Variants in ZNF710 observed in about 807,000 individuals in gnomAD.
ZNF710 encodes the protein zinc finger protein 710.
Under a neutral mutation model 50.6 loss-of-function variants are expected in ZNF710, and 13 were observed. The ratio of observed to expected loss-of-function variants is 0.26; its 90% CI spans 0.17 to 0.41. The LOEUF is 0.41. Among genes scored for constraint, ZNF710 ranks in the 10% least tolerant of loss-of-function variants. The probability of loss-of-function intolerance (pLI) is 1.00; values close to 1 mark genes in which losing one functional copy is unlikely to be tolerated. For synonymous variants in ZNF710, 383 were observed against 397.0 expected, an observed-to-expected ratio of 0.96 and a Z score of 0.42; for missense variants, 721 against 936.6, an observed-to-expected ratio of 0.77 and a Z score of 3.01.
intron 3 of ZNF710, 75 bp downstream of exon 3, chr15:90,073,337 G>A (rs1298278698): frequency 4.6e-6 from 7 of 1,530,174 alleles, no homozygotes; most frequent in Non-Finnish European, 5.3e-6. Context: ...CAGCAGCTGT[G>A]GCCCACCAAG....
rs924220723 is a variant in ZNF710, at chr15:90,040,954, A to G, written c.-28-26156A>G. ...CGCAATTTTGGGTTAAGCCCACAGT[A>G]TAAATACTATTCACTGCTAAACATG... On this transcript the variant is annotated intron_variant, in intron 1 of 4. Transcript: ENST00000268154. This position sits in a 1 kb window ranked among gnomAD's most constrained non-coding sequence, Gnocchi z 4.6. 8.5e-5 allele frequency among the ~76,000 whole-genome samples: 13 copies of G among 152,246 alleles called. No individual in the cohort carries two copies. The highest frequency in any genetic ancestry group is 1.3e-4 in the Non-Finnish European group (9 of 68,038).
At chr15:90,077,088 A>G (rs753611526) in intron 4 of ZNF710, among the ~76,000 whole-genome samples, 18 of 152,148 alleles carry the variant, frequency 1.2e-4, no homozygotes, top group Non-Finnish European at 1.5e-4. Context: ...CGATCTAGTA[A>G]CTATGGGGCT....
At chr15:90,066,635 C>A (rs1200744043) in intron 1 of ZNF710, among the ~76,000 whole-genome samples, 2 of 151,934 alleles carry the variant, frequency 1.3e-5, no homozygotes, top group East Asian at 3.9e-4. Context: ...GCCACCACGC[C>A]CAGCTAATTT....
intron 1 of ZNF710, among the ~76,000 whole-genome samples, chr15:90,061,202 C>T (rs1359694198): frequency 6.6e-6 from 1 of 151,260 alleles, no homozygotes; most frequent in Non-Finnish European, 1.5e-5. Context: ...CAGGGTTTCA[C>T]GCCTGTCACC....
chr15:90,054,953 C>A (rs1899765751), intron 1 of ZNF710, among the ~76,000 whole-genome samples: 1 of 152,172 alleles, frequency 6.6e-6, no homozygotes, highest in South Asian at 2.1e-4. Flanking sequence ...GGCAAGGGGC[C>A]TCTTTTTTCT....
intron 1 of ZNF710, among the ~76,000 whole-genome samples, chr15:90,037,061 G>A (rs1169170114): frequency 6.6e-6 from 1 of 152,128 alleles, no homozygotes; most frequent in African/African-American, 2.4e-5. Context: ...TGGGGAGGAC[G>A]GGAAGTGGGG....
intron 1 of ZNF710, among the ~76,000 whole-genome samples, chr15:90,048,948 A>G (rs1243924198): frequency 2.0e-5 from 3 of 152,180 alleles, no homozygotes; most frequent in African/African-American, 7.2e-5. Context: ...GACCGGGTCC[A>G]TTCCCAGCAT....
chr15:90,064,706 T>G (rs1900114206), intron 1 of ZNF710, among the ~76,000 whole-genome samples: 1 of 152,186 alleles, frequency 6.6e-6, no homozygotes, highest in African/African-American at 2.4e-5. Flanking sequence ...CAGGCTGGTC[T>G]CGAACTCCTG....
At chr15:90,026,685 A>G (rs370999052) in intron 1 of ZNF710, among the ~76,000 whole-genome samples, 27 of 152,366 alleles carry the variant, frequency 1.8e-4, no homozygotes, top group African/African-American at 6.3e-4. Context: ...GTCATCCACC[A>G]TAACCCAGTG....
chr15:90,008,443 T>TATATATATACATATATATATATAC (rs1898204808), intron 1 of ZNF710, among the ~76,000 whole-genome samples: 2 of 140,524 alleles, frequency 1.4e-5, no homozygotes, highest in African/African-American at 5.8e-5. Flanking sequence ...TATATATACA[T>TATATATATACATATATATATATAC]ATATATATAT....
At position 90,073,975 on chromosome 15, in the gene ZNF710, G is replaced by T. The variant is rs929344901; in HGVS notation, c.1651-141G>T. ...ACTGCACTCCAGCCTGGACAACAGA[G>T]TGAGAGTCTGTCTCAAAAAAAAAAC... On this transcript the variant is annotated intron_variant, in intron 3 of 4. Transcript: ENST00000268154. The T allele has an allele frequency of 3.1e-5, 29 of 940,628 alleles. No homozygotes were observed. In the African/African-American group the frequency reaches 5.2e-4, roughly 17 times the overall value. The allele number at this position is 940,628 out of a possible 1,614,324, so 58.3% of individuals were successfully genotyped here.
intron 1 of ZNF710, among the ~76,000 whole-genome samples, chr15:90,007,748 AC>A (rs1395413176): frequency 2.6e-5 from 4 of 151,480 alleles, no homozygotes; most frequent in African/African-American, 9.7e-5. Flanking sequence ...TACCCTAGTA[AC>A]AGGGCAAGCA....
At position 90,040,344 on chromosome 15, in the gene ZNF710, G is replaced by T. The variant is rs1899260387; in HGVS notation, c.-28-26766G>T. Among the ~76,000 whole-genome samples, 1 of 152,176 alleles carries T rather than the reference G, an allele frequency of 6.6e-6. No homozygotes were observed. The highest frequency in any genetic ancestry group is 2.4e-5 in the African/African-American group (1 of 41,436). On this transcript the variant is annotated intron_variant, in intron 1 of 4. Transcript: ENST00000268154. The surrounding 1 kb of genome is among the most constrained non-coding windows in gnomAD (Gnocchi z 4.6). ...CCAGGGAGGTGTCCTTAGTGCTCCG[G>T]ATGGGGTTGTTAAAGCCACATGTGA...
chr15:90,074,076 G>A, intron 3 of ZNF710, 40 bp from the exon 4 acceptor site: 1 of 1,576,552 alleles, frequency 6.3e-7, no homozygotes, highest in South Asian at 1.2e-5. Context: ...GGGAAAGCAG[G>A]TTCCCCACAG....
intron 1 of ZNF710, among the ~76,000 whole-genome samples, chr15:90,013,294 G>A (rs962284524): frequency 1.1e-4 from 16 of 152,092 alleles, no homozygotes; most frequent in African/African-American, 3.1e-4. Flanking sequence ...GTAGAGATGG[G>A]GTTTCACCAT....
At position 90,058,839 on chromosome 15, in the gene ZNF710, G is replaced by A. The variant is rs527696484; in HGVS notation, c.-28-8271G>A. ...GACCCGGGGGCTGGAAACTCAGCAA[G>A]ATTCATAAGTTACAGTCTCAAGGCA... On this transcript the variant is annotated intron_variant, in intron 1 of 4. Transcript: ENST00000268154. Among the ~76,000 whole-genome samples the A allele has an allele frequency of 1.9e-3, 292 of 152,216 alleles. 3 individuals carry two copies. The highest frequency in any genetic ancestry group is 8.0e-3 in the Admixed American group (122 of 15,288).
chr15:90,025,329 A>T (rs1246043978), intron 1 of ZNF710: 2 of 152,224 alleles, frequency 1.3e-5, no homozygotes, highest in Admixed American at 1.3e-4. Context: ...CTGTTCTAAC[A>T]GCAGAGCATG....
At chr15:90,023,175 G>T (rs1014142742) in intron 1 of ZNF710, among the ~76,000 whole-genome samples, 3 of 152,152 alleles carry the variant, frequency 2.0e-5, no homozygotes, top group African/African-American at 7.2e-5. Context: ...TTTGAACCCA[G>T]ATGCGATGAG....
chr15:90,020,078 C>G (rs1400519412), intron 1 of ZNF710, among the ~76,000 whole-genome samples: 1 of 152,186 alleles, frequency 6.6e-6, no homozygotes, highest in Non-Finnish European at 1.5e-5. Context: ...TTCGTCATCA[C>G]TTGGTGTGGG....
Sources: gnomAD v4.1 joint callset for allele counts (sites outside exome capture counted in the v4.1 genomes callset) on GRCh38, gnomAD v4.1.1 for gene constraint, Gnocchi (gnomAD v3.1) non-coding constraint, MANE v1.5 for transcripts, NCBI Gene and HGNC (gene_info 2026-07-23, HGNC 2026-07-21) for gene names.